ZNF236: variants seen among roughly 807,000 people sequenced by gnomAD.
ZNF236 encodes zinc finger protein 236.
A neutral mutation model predicts 191.2 loss-of-function variants in ZNF236; 50 were observed. The ratio of observed to expected loss-of-function variants is 0.26; its 90% CI spans 0.21 to 0.33. ZNF236 has a LOEUF of 0.33. Among genes scored for constraint, ZNF236 ranks in the 10% least tolerant of loss-of-function variants. The pLI is 1.00. For missense variants in ZNF236, 1,754 were observed against 2,374.5 expected, an observed-to-expected ratio of 0.74 and a Z score of 5.43; for synonymous variants, 907 against 928.8, an observed-to-expected ratio of 0.98 and a Z score of 0.43.
intron 3 of ZNF236, among the ~76,000 whole-genome samples, chr18:76,866,311 G>A (rs1976401160): frequency 6.6e-6 from 1 of 152,182 alleles, no homozygotes; most frequent in African/African-American, 2.4e-5. Context: ...TTGTGGGGTG[G>A]GTTTGGGGTT....
intron 1 of ZNF236, among the ~76,000 whole-genome samples, chr18:76,844,637 T>G (rs769615607): frequency 1.2e-4 from 19 of 152,360 alleles, no homozygotes; most frequent in Non-Finnish European, 2.5e-4. Flanking sequence ...TATGGATAAC[T>G]GAGATTTTAA....
At chr18:76,896,553 G>C (rs1977420644) in intron 10 of ZNF236, among the ~76,000 whole-genome samples, 1 of 140,626 alleles carries the variant, frequency 7.1e-6, no homozygotes, top group Non-Finnish European at 1.5e-5. Flanking sequence ...CACAGGTACT[G>C]CACACAGGTA....
At chr18:76,933,129 C>A (rs1967901873) in intron 25 of ZNF236, among the ~76,000 whole-genome samples, 1 of 152,222 alleles carries the variant, frequency 6.6e-6, no homozygotes, top group Non-Finnish European at 1.5e-5. Context: ...ACCCACTTTG[C>A]TGATTTGCAT....
In ZNF236 at chr18:76,898,918, G is replaced by T. The variant is rs1977512111; in HGVS notation, c.1691-101G>T. On this transcript the variant is annotated intron_variant, in intron 10 of 30. Transcript: ENST00000320610. ...TATAAGCATGGCCTAATAAATTGAA[G>T]GTTCAAATCAGTATTGGAAATAATA... 14 of 993,092 alleles carry T rather than the reference G, an allele frequency of 1.4e-5. No homozygotes were observed. The South Asian group carries it at 2.1e-4, about 15-fold the overall frequency. 61.5% of individuals were successfully genotyped at this position (993,092 alleles called of 1,614,324 possible).
chr18:76,866,550 C>G, intron 3 of ZNF236, among the ~76,000 whole-genome samples: 1 of 152,306 alleles, frequency 6.6e-6, no homozygotes, highest in Middle Eastern at 3.4e-3. Context: ...CAGTACCTAG[C>G]ATTGCACGCT....
intron 17 of ZNF236, 51 bp from the exon 18 acceptor site, chr18:76,913,696 T>C: frequency 1.3e-6 from 2 of 1,587,182 alleles, no homozygotes; most frequent in Non-Finnish European, 1.7e-6. Flanking sequence ...GCTGTATTTG[T>C]AATTGTGCTA....
chr18:76,890,167 C>A (rs893079583), intron 9 of ZNF236, among the ~76,000 whole-genome samples: 1 of 152,022 alleles, frequency 6.6e-6, no homozygotes, highest in Non-Finnish European at 1.5e-5. Context: ...TCCCATATAC[C>A]CTTCATCCAT....
intron 1 of ZNF236, among the ~76,000 whole-genome samples, chr18:76,830,006 G>A (rs1975122804): frequency 6.6e-6 from 1 of 152,216 alleles, no homozygotes. Flanking sequence ...GAGTAGCTGG[G>A]ATTACAGGCA....
At position 76,927,654 on chromosome 18, in the gene ZNF236, T is replaced by C. The variant is rs1256819113; in HGVS notation, c.4414+137T>C. On this transcript the variant is annotated intron_variant, in intron 24 of 30. Transcript: ENST00000320610. This position sits in a 1 kb window ranked among gnomAD's most constrained non-coding sequence, Gnocchi z 5.4. ...GAGAATAAATCAAATGTCCTGAGAATAAAATAAGCTTTTCTTACAATTAAT... is the reference window on the plus strand; with the variant it reads ...GAGAATAAATCAAATGTCCTGAGAACAAAATAAGCTTTTCTTACAATTAAT... The C allele has an allele frequency of 6.6e-6, 8 of 1,207,046 alleles. No individual in the cohort carries two copies. Among genetic ancestry groups the C allele is most frequent in the Non-Finnish European group, 7.9e-6 (7 of 889,936 alleles). The allele number at this position is 1,207,046 out of a possible 1,614,324, so 74.8% of individuals were successfully genotyped here.
At position 76,960,120 on chromosome 18, in the gene ZNF236, C is replaced by T. The variant is rs779761377; in HGVS notation, c.5242+304C>T. ...CTTCCCTTCTGCTGGAGCAAACAGG[C>T]GGCCCCCAGTGCCTGGGTCCCATGT... On this transcript the variant is annotated intron_variant, in intron 29 of 30. Coordinates refer to ENST00000320610, the MANE Select transcript of ZNF236 (RefSeq NM_001306089.2). This position sits in a 1 kb window ranked among gnomAD's most constrained non-coding sequence, Gnocchi z 4.4. 8.5e-5 allele frequency among the ~76,000 whole-genome samples: 13 copies of T among 152,146 alleles called. No homozygotes were observed. Among genetic ancestry groups the T allele is most frequent in the South Asian group, 6.2e-4 (3 of 4,828 alleles).
At chr18:76,915,889 T>G in intron 19 of ZNF236, 30 bp downstream of exon 19, 1 of 1,591,014 alleles carries the variant, frequency 6.3e-7, no homozygotes, top group East Asian at 2.2e-5. Flanking sequence ...TCAAGGTGTA[T>G]TAACCCGATG....
chr18:76,854,216 A>AT (rs1159687161), intron 3 of ZNF236, among the ~76,000 whole-genome samples: 1 of 152,172 alleles, frequency 6.6e-6, no homozygotes, highest in African/African-American at 2.4e-5. Flanking sequence ...AGTTAAAAAA[A>AT]TTATAAGAAA....
chr18:76,920,410 G>A (rs1414921812), intron 20 of ZNF236, among the ~76,000 whole-genome samples: 2 of 152,002 alleles, frequency 1.3e-5, no homozygotes, highest in Non-Finnish European at 2.9e-5. Context: ...AATTAGGTGG[G>A]TGTAGTGGTG....
At position 76,908,497 on chromosome 18, in the gene ZNF236, G is replaced by A. The variant is rs370501587; in HGVS notation, c.2475G>A (p.Glu825=). The part of the protein sequence containing the change: ...AANPEAMLDL[E]PQHVVGTEEA... ...ACCCCGAGGCCATGCTGGACCTGGA[G>A]CCTCAGCATGTGGTGGGCACGGAGG... The change falls in exon 14 of 31, where the codon GAG becomes GAA. Residue 825 remains glutamate, a synonymous_variant. Coordinates refer to ENST00000320610, the MANE Select transcript of ZNF236 (RefSeq NM_001306089.2). The A allele has an allele frequency of 1.7e-5, 27 of 1,613,936 alleles. No individual in the cohort carries two copies. In the African/African-American group the frequency reaches 2.4e-4, roughly 14 times the overall value.
chr18:76,970,920 G>A lies in ZNF236; in HGVS notation c.*2581G>A, dbSNP rs902857623. Among the ~76,000 whole-genome samples, 3 of 152,268 alleles carry A rather than the reference G, an allele frequency of 2.0e-5. No homozygotes were observed. Among genetic ancestry groups the A allele is most frequent in the Admixed American group, 1.3e-4 (2 of 15,290 alleles). ...TTTCAAAATCAGGGCATGGCTCCGCGACAGCGAGCCGTGGGCGTCAGCACA... is the reference window on the plus strand; with the variant it reads ...TTTCAAAATCAGGGCATGGCTCCGCAACAGCGAGCCGTGGGCGTCAGCACA... On this transcript the variant is annotated 3_prime_UTR_variant, in exon 31 of 31. Coordinates refer to ENST00000320610, the MANE Select transcript of ZNF236 (RefSeq NM_001306089.2).
intron 25 of ZNF236, among the ~76,000 whole-genome samples, chr18:76,935,690 T>G (rs78718526): frequency 0.012 from 1,790 of 152,082 alleles, 27 homozygotes; most frequent in African/African-American, 0.037. Flanking sequence ...CGCCCCAGTC[T>G]CTATGGTTTT....
At position 76,960,062 on chromosome 18, in the gene ZNF236, C is replaced by T. The variant is rs865888792; in HGVS notation, c.5242+246C>T. 5.9e-5 allele frequency among the ~76,000 whole-genome samples: 9 copies of T among 152,182 alleles called. No individual in the cohort carries two copies. The highest frequency in any genetic ancestry group is 3.3e-4 in the Admixed American group (5 of 15,280). The stretch of plus-strand genomic sequence containing the variant: ...GAAGCATCAGGCAAGCCTCCCGTGC[C>T]GTGTCTGGGATGTTGACCATGTCAC... On this transcript the variant is annotated intron_variant, in intron 29 of 30. Coordinates refer to ENST00000320610, the MANE Select transcript of ZNF236 (RefSeq NM_001306089.2). This position sits in a 1 kb window ranked among gnomAD's most constrained non-coding sequence, Gnocchi z 4.4.
chr18:76,967,910 T>G (rs1025744615), intron 30 of ZNF236, among the ~76,000 whole-genome samples: 1 of 152,140 alleles, frequency 6.6e-6, no homozygotes, highest in Non-Finnish European at 1.5e-5. Context: ...CTGCTTTCCT[T>G]TTTATTATGG....
At position 76,905,344 on chromosome 18, in the gene ZNF236, C is replaced by T. The variant is rs372365577; in HGVS notation, c.2226C>T (p.Pro742=). The change falls in exon 13 of 31, where the codon CCC becomes CCT. Residue 742 remains proline (P), a synonymous_variant. Transcript: ENST00000320610. The part of the protein sequence containing the change: ...RHMGIHNDLR[P]YMCPYCQKTF... ...TGGGTATCCACAACGACCTTCGTCC[C>T]TATATGTGTCCCTATTGCCAAAAAA... 1.2e-6 allele frequency: 2 copies of T among 1,614,008 alleles called. No individual in the cohort carries two copies. The highest frequency in any genetic ancestry group is 1.7e-6 in the Non-Finnish European group (2 of 1,180,022).
Sources: gnomAD v4.1 joint callset for allele counts (sites outside exome capture counted in the v4.1 genomes callset) on GRCh38, gnomAD v4.1.1 for gene constraint, Gnocchi (gnomAD v3.1) non-coding constraint, MANE v1.5 for transcripts, NCBI Gene and HGNC (gene_info 2026-07-23, HGNC 2026-07-21) for gene names.